The following HHLA1 variants were observed in gnomAD, a reference collection of about 807,000 sequenced individuals.
HHLA1 encodes HERV-H LTR-associating protein 1.
HHLA1 carries 72 observed loss-of-function variants against 69.9 expected under a neutral mutation model. That is an observed-to-expected ratio of 1.03 (90% confidence interval 0.85 to 1.25). HHLA1 has a LOEUF of 1.25. HHLA1 is among the 50% of genes most tolerant of loss of function. The pLI is 0.00. For synonymous variants in HHLA1, 252 were observed against 233.2 expected (o/e 1.08, Z -0.73); for missense variants, 685 against 642.2 (o/e 1.07, Z -0.72).
In HHLA1 at chr8:132,095,434, T is replaced by G. The variant is rs993786420; in HGVS notation, c.448+85A>C. ...GTGGATAGGACCATATTTTCCTGTC[T>G]TACATTGAGGAAAAACAAAAACTTA... On this transcript the variant is annotated intron_variant, in intron 7 of 16. Transcript: ENST00000414222. The G allele has an allele frequency of 3.6e-6, 3 of 832,584 alleles. No individual in the cohort carries two copies. The East Asian group carries it at 7.9e-5, about 22-fold the overall frequency. The allele number at this position is 832,584 out of a possible 1,614,324, so 51.6% of individuals were successfully genotyped here.
rs975639324 is a variant in HHLA1, at chr8:132,085,121, C to A, written c.676+2532G>T. Reference sequence around the variant, plus strand: ...TGCCGCTAAGGGTGAAGGACCAAGGCAGGCATCCCTGCGTGGTCTGACACC... The same window carrying A: ...TGCCGCTAAGGGTGAAGGACCAAGGAAGGCATCCCTGCGTGGTCTGACACC... On this transcript the variant is annotated intron_variant, in intron 10 of 16. Transcript: ENST00000414222. Among the ~76,000 whole-genome samples the A allele has an allele frequency of 3.0e-4, 45 of 152,192 alleles. 1 individual carries two copies. Among genetic ancestry groups the A allele is most frequent in the Admixed American group, 2.0e-4 (3 of 15,280 alleles).
In HHLA1 at chr8:132,077,969, T is replaced by A; in HGVS notation, c.928A>T (p.Thr310Ser). 9.0e-6 allele frequency: 14 copies of A among 1,551,560 alleles called. No individual in the cohort carries two copies. Among genetic ancestry groups the A allele is most frequent in the Non-Finnish European group, 1.2e-5 (14 of 1,146,902 alleles). ...CACTGAGTTCTGGCCACCCTCCTGGTAGCTGCACATTCAAAGTGACAGTAA... is the reference window on the plus strand; with the variant it reads ...CACTGAGTTCTGGCCACCCTCCTGGAAGCTGCACATTCAAAGTGACAGTAA... ...SASHTLPALA[T>S]RRVARTQWLT... The change falls in exon 12 of 17, where the codon ACC becomes TCC. Residue 310 changes from threonine to serine, a missense_variant and splice_region_variant. Coordinates refer to ENST00000414222, the MANE Select transcript of HHLA1 (RefSeq NM_001145095.3).
At position 132,072,435 on chromosome 8, in the gene HHLA1, ATTAT is replaced by A. The variant is rs898817216; in HGVS notation, c.1316-946_1316-943del. The stretch of plus-strand genomic sequence containing the variant: ...ACAATAAATAATAGCAATTATTATT[ATTAT>A]TTATTTATTAAAAATTTGTTGAGCT... On this transcript the variant is annotated intron_variant, in intron 14 of 16. Transcript: ENST00000414222. Among the ~76,000 whole-genome samples, 72 of 152,190 alleles carry A rather than the reference ATTAT, an allele frequency of 4.7e-4. 1 individual carries two copies. Among genetic ancestry groups the A allele is most frequent in the African/African-American group, 1.4e-3 (57 of 41,544 alleles).
intron 1 of HHLA1, among the ~76,000 whole-genome samples, chr8:132,110,285 T>C (rs576921772): frequency 2.6e-5 from 4 of 152,162 alleles, no homozygotes; most frequent in Non-Finnish European, 4.4e-5. Flanking sequence ...ACCTTCCATA[T>C]AGATATCAGC....
chr8:132,104,693 T>G (rs1345351355), intron 2 of HHLA1, among the ~76,000 whole-genome samples: 1 of 150,332 alleles, frequency 6.7e-6, no homozygotes, highest in Non-Finnish European at 1.5e-5. Flanking sequence ...ATGAAGGAGG[T>G]GGAGGTGGTA....
chr8:132,094,153 A>G (rs537276484), intron 7 of HHLA1, among the ~76,000 whole-genome samples: 1 of 150,796 alleles, frequency 6.6e-6, no homozygotes, highest in East Asian at 2.0e-4. Context: ...TTACATAGTC[A>G]TTACAAGTGT....
intron 1 of HHLA1, among the ~76,000 whole-genome samples, chr8:132,105,889 ATG>A (rs1335019247): frequency 6.6e-6 from 1 of 152,196 alleles, no homozygotes; most frequent in African/African-American, 2.4e-5. Flanking sequence ...CCATAGGAAT[ATG>A]TGTGTTCACA....
chr8:132,080,082 T>G (rs1291982862), intron 10 of HHLA1, 116 bp from the exon 11 acceptor site: 5 of 1,347,326 alleles, frequency 3.7e-6, no homozygotes, highest in Non-Finnish European at 5.2e-6. Flanking sequence ...TTTCTCTAAT[T>G]AAAAGTATCA....
intron 13 of HHLA1, 43 bp downstream of exon 13, chr8:132,076,419 TCCCACCCCTCCCA>T: frequency 8.6e-5 from 51 of 596,436 alleles, no homozygotes; most frequent in Non-Finnish European, 1.1e-4. Context: ...TCCCCAAGCT[TCCCACCCCTCCCA>T]TCCCCCACCC....
At chr8:132,102,277 C>G (rs1027641987) in intron 3 of HHLA1, among the ~76,000 whole-genome samples, 4 of 152,358 alleles carry the variant, frequency 2.6e-5, no homozygotes, top group Admixed American at 1.3e-4. Context: ...TTCTGCTTTT[C>G]TGATACCATG....
At chr8:132,087,771 T>G in intron 9 of HHLA1, 32 bp from the exon 10 acceptor site, 1 of 1,544,780 alleles carries the variant, frequency 6.5e-7, no homozygotes, top group South Asian at 1.2e-5. Flanking sequence ...GGTCAGATCT[T>G]GGGTTTCATC....
intron 14 of HHLA1, among the ~76,000 whole-genome samples, chr8:132,073,746 C>T (rs1276094070): frequency 1.3e-5 from 2 of 152,160 alleles, no homozygotes. Context: ...GGAAATGACA[C>T]TTGGGATATT....
At chr8:132,082,611 T>C (rs968292735) in intron 10 of HHLA1, among the ~76,000 whole-genome samples, 1 of 152,136 alleles carries the variant, frequency 6.6e-6, no homozygotes, top group Non-Finnish European at 1.5e-5. Flanking sequence ...TTTGCAGCAG[T>C]ACAGCCTTGG....
Position 132,062,759 on chromosome 8 carries a change from T to C in HHLA1, c.*1236A>G, listed in dbSNP as rs898136100. ...CAGTATGTGGGGATGCAGAAGAAAGTTGACTCCACAGACGTACTCCACAGA... is the reference window on the plus strand; with the variant it reads ...CAGTATGTGGGGATGCAGAAGAAAGCTGACTCCACAGACGTACTCCACAGA... On this transcript the variant is annotated 3_prime_UTR_variant, in exon 17 of 17. Transcript: ENST00000414222. 2 of 152,234 alleles carry C rather than the reference T, an allele frequency of 1.3e-5. No homozygotes were observed. Among genetic ancestry groups the C allele is most frequent in the East Asian group, 1.9e-4 (1 of 5,200 alleles). The allele number at this position is 152,234 out of a possible 1,614,324, so 9.4% of individuals were successfully genotyped here. A position where few individuals can be genotyped will look rare whatever the true frequency, so the allele number is the denominator to read the frequency against.
At chr8:132,110,890 C>T (rs185778644) in intron 1 of HHLA1, among the ~76,000 whole-genome samples, 115 of 152,254 alleles carry the variant, frequency 7.6e-4, no homozygotes, top group Admixed American at 1.3e-3. Context: ...AAATGAACAA[C>T]GGCAAGAAAT....
At chr8:132,071,624 T>C in intron 14 of HHLA1, 131 bp from the exon 15 acceptor site, 1 of 787,652 alleles carries the variant, frequency 1.3e-6, no homozygotes, top group Admixed American at 2.8e-5. Context: ...CAGGTAAACA[T>C]AGCATTCCTC....
rs1054668499 is a variant in HHLA1, at chr8:132,076,235, C to T, written c.1241-106G>A. On this transcript the variant is annotated intron_variant, in intron 13 of 16. Transcript: ENST00000414222. The stretch of plus-strand genomic sequence containing the variant: ...CTTAAAGGTAAATCATTCTTGAAAT[C>T]TATAGGAAAATGATAGCCAAAAAAG... The T allele has an allele frequency of 6.6e-6, 6 of 904,396 alleles. No homozygotes were observed. In the African/African-American group the frequency reaches 1.0e-4, roughly 15 times the overall value. 56.0% of individuals were successfully genotyped at this position (904,396 alleles called of 1,614,324 possible). A position where few individuals can be genotyped will look rare whatever the true frequency, so the allele number is the denominator to read the frequency against.
intron 10 of HHLA1, among the ~76,000 whole-genome samples, chr8:132,085,903 T>G (rs1184610042): frequency 6.6e-6 from 1 of 151,870 alleles, no homozygotes; most frequent in Non-Finnish European, 1.5e-5. Context: ...CAGGGCATAT[T>G]CACTTCTTTT....
chr8:132,085,392 A>G, intron 10 of HHLA1: 1 of 365,594 alleles, frequency 2.7e-6, no homozygotes, highest in Non-Finnish European at 5.5e-6. Context: ...GAGAGTAAAA[A>G]GAGGCCGCTT....
Sources: gnomAD v4.1 joint callset for allele counts (sites outside exome capture counted in the v4.1 genomes callset) on GRCh38, gnomAD v4.1.1 for gene constraint, MANE v1.5 for transcripts, NCBI Gene and HGNC (gene_info 2026-07-23, HGNC 2026-07-21) for gene names.